SLC44A2: variants seen among roughly 807,000 people sequenced by gnomAD.
SLC44A2 encodes the protein choline transporter-like protein 2.
Under a neutral mutation model 90.8 loss-of-function variants are expected in SLC44A2, and 57 were observed. The observed-to-expected ratio is 0.63, with a 90% confidence interval of 0.51 to 0.78. SLC44A2 has a LOEUF of 0.78. Ranked by LOEUF, SLC44A2 falls within the 30% of genes least tolerant of loss-of-function variation. The pLI, the probability that SLC44A2 is intolerant of heterozygous loss-of-function variation, is 0.00. For synonymous variants in SLC44A2, 355 were observed against 360.7 expected (o/e 0.98, Z 0.18); for missense variants, 794 against 919.7 (o/e 0.86, Z 1.77).
chr19:10,624,733 G>A (rs935626132), upstream of SLC44A2, among the ~76,000 whole-genome samples: 1 of 152,212 alleles, frequency 6.6e-6, no homozygotes. Context: ...TGAATTCAGG[G>A]CGACCCAGGA....
In SLC44A2 at chr19:10,634,802, C is replaced by G. The variant is rs183294713; in HGVS notation, c.870C>G (p.Ala290=). The change falls in exon 11 of 22, where the codon GCC becomes GCG. Residue 290 remains alanine, a synonymous_variant. Transcript: ENST00000335757. ...YMEYSRLRGE[A]GSDVSLVDLG... ...AGTACTCCCGACTGCGTGGTGAGGCCGGCTCTGATGTCTCTTTGGTGGACC... is the reference window on the plus strand; with the variant it reads ...AGTACTCCCGACTGCGTGGTGAGGCGGGCTCTGATGTCTCTTTGGTGGACC... The G allele has an allele frequency of 2.5e-6, 4 of 1,614,120 alleles. No individual in the cohort carries two copies. The highest frequency in any genetic ancestry group is 1.6e-4 in the Middle Eastern group (1 of 6,062).
chr19:10,610,219 A>G (rs1918245085), intron 1 of SLC44A2, among the ~76,000 whole-genome samples: 1 of 151,988 alleles, frequency 6.6e-6, no homozygotes, highest in Non-Finnish European at 1.5e-5. Context: ...AAATATATAT[A>G]TATGACAGAT....
intron 16 of SLC44A2, chr19:10,637,401 G>A: frequency 1.9e-6 from 1 of 514,380 alleles, no homozygotes; most frequent in South Asian, 2.3e-5. Flanking sequence ...AGGGCTCTGG[G>A]GCTGGGATTG....
At chr19:10,606,536 C>T (rs1918108448) in intron 1 of SLC44A2, among the ~76,000 whole-genome samples, 1 of 151,526 alleles carries the variant, frequency 6.6e-6, no homozygotes. Flanking sequence ...ATTGGCTGGG[C>T]ACAGTGGCTC....
chr19:10,637,677 C>T lies in SLC44A2; in HGVS notation c.1625C>T (p.Thr542Ile). The change falls in exon 17 of 22, where the codon ACC becomes ATC. Residue 542 changes from threonine (T) to isoleucine (I), a missense_variant. By Grantham distance (89) the Thr-to-Ile change is moderately conservative. Around this residue, in one of 3 missense-constraint regions of SLC44A2, gnomAD observed 738 missense variants for 841.1 expected, o/e 0.88. Transcript: ENST00000335757. ...AENKFAKCLM[T>I]CLKCCFWCLE... ...AACAAGTTTGCCAAGTGCCTCATGA[C>T]CTGTCTCAAATGCTGCTTCTGGTGC... 6.2e-7 allele frequency: 1 copy of T among 1,614,146 alleles called. No individual in the cohort carries two copies. The highest frequency in any genetic ancestry group is 8.5e-7 in the Non-Finnish European group (1 of 1,180,024).
rs1033229243 is a variant in SLC44A2, at chr19:10,631,355, G to C, written c.411G>C (p.Gln137His). Residue 137 changes from glutamine to histidine, a missense_variant, in exon 6 of 22, where the codon CAG becomes CAC. By Grantham distance (24) the Gln-to-His change is conservative. Coordinates refer to ENST00000335757, the MANE Select transcript of SLC44A2 (RefSeq NM_020428.4). ...CCCGGGACTTTGAGTACTATAAGCAGTTCTGTGTTCCTGGCTTCAAGAACA... is the reference window on the plus strand; with the variant it reads ...CCCGGGACTTTGAGTACTATAAGCACTTCTGTGTTCCTGGCTTCAAGAACA... ...RSSRDFEYYK[Q>H]FCVPGFKNNK... The C allele has an allele frequency of 6.2e-7, 1 of 1,614,068 alleles. No individual in the cohort carries two copies. The highest frequency in any genetic ancestry group is 8.5e-7 in the Non-Finnish European group (1 of 1,180,050).
rs1490117847 is a variant in SLC44A2, at chr19:10,636,305, C to T, written c.1234-18C>T. On this transcript the variant is annotated intron_variant, in intron 14 of 21. Coordinates refer to ENST00000335757, the MANE Select transcript of SLC44A2 (RefSeq NM_020428.4). ...CTGGTGCCTCTTTTTGGACTCGGTTCTCCCTTCTCTCCCACAGACCTTCCC... is the reference window on the plus strand; with the variant it reads ...CTGGTGCCTCTTTTTGGACTCGGTTTTCCCTTCTCTCCCACAGACCTTCCC... The T allele has an allele frequency of 6.3e-7, 1 of 1,599,622 alleles. No individual in the cohort carries two copies. The highest frequency in any genetic ancestry group is 1.7e-5 in the Admixed American group (1 of 58,174).
At chr19:10,643,102 G>A in intron 21 of SLC44A2, 177 bp from the exon 22 acceptor site, 2 of 1,452,166 alleles carry the variant, frequency 1.4e-6, no homozygotes, top group South Asian at 2.9e-5. Context: ...TGGCCTGCGA[G>A]TGTGGGGATC....
In SLC44A2 at chr19:10,637,940, A is replaced by G; in HGVS notation, c.1769+11A>G. On this transcript the variant is annotated intron_variant, in intron 18 of 21. Coordinates refer to ENST00000335757, the MANE Select transcript of SLC44A2 (RefSeq NM_020428.4). The stretch of plus-strand genomic sequence containing the variant: ...GAGAAACATCATCAGGTCGGGAATC[A>G]TTATCATCTTCCTCCTGCCACCCGC... The G allele has an allele frequency of 6.2e-7, 1 of 1,614,010 alleles. No homozygotes were observed. Among genetic ancestry groups the G allele is most frequent in the South Asian group, 1.1e-5 (1 of 91,070 alleles).
chr19:10,610,256 C>T (rs1918245985), intron 1 of SLC44A2, among the ~76,000 whole-genome samples: 1 of 150,974 alleles, frequency 6.6e-6, no homozygotes, highest in South Asian at 2.1e-4. Flanking sequence ...AGCTTAAAAT[C>T]TTTAATATCT....
At chr19:10,618,962 T>C (rs2066877596) in intron 1 of SLC44A2, among the ~76,000 whole-genome samples, 1 of 142,214 alleles carries the variant, frequency 7.0e-6, no homozygotes, top group African/African-American at 2.6e-5. Flanking sequence ...ACAATTCTTT[T>C]TTTTTTTTTT....
At chr19:10,613,226 A>G (rs1259306971) in intron 1 of SLC44A2, among the ~76,000 whole-genome samples, 2 of 150,402 alleles carry the variant, frequency 1.3e-5, no homozygotes, top group Admixed American at 1.3e-4. Context: ...CCCAGATAAT[A>G]TAGTTATTTT....
chr19:10,643,362 A>G lies in SLC44A2; in HGVS notation c.2098A>G (p.Asn700Asp). The G allele has an allele frequency of 6.2e-7, 1 of 1,612,892 alleles. No individual in the cohort carries two copies. Among genetic ancestry groups the G allele is most frequent in the Non-Finnish European group, 8.5e-7 (1 of 1,179,366 alleles). The change falls in exon 22 of 22, where the codon AAC (asparagine) becomes GAC (aspartate). Residue 700 changes from asparagine to aspartate, a missense_variant. Asn to Asp is a conservative substitution (Grantham distance 23). Coordinates refer to ENST00000335757, the MANE Select transcript of SLC44A2 (RefSeq NM_020428.4). ...CCTCAAGAAACTCTTGAACAAGACC[A>G]ACAAGAAGGCAGCGGAGTCCTGAAG... ...STLKKLLNKT[N>D]KKAAES
chr19:10,621,422 G>GTTTT (rs34643212), upstream of SLC44A2, among the ~76,000 whole-genome samples: 1 of 89,448 alleles, frequency 1.1e-5, no homozygotes, highest in Non-Finnish European at 2.0e-5. Flanking sequence ...ATGGTTGGGT[G>GTTTT]TTTTTTTTTT....
At chr19:10,614,745 C>T (rs867373807) in intron 1 of SLC44A2, among the ~76,000 whole-genome samples, 22 of 150,934 alleles carry the variant, frequency 1.5e-4, no homozygotes, top group Non-Finnish European at 2.5e-4. Flanking sequence ...CTGAGGCGGG[C>T]GGATCACCCG....
chr19:10,627,705 G>A lies in SLC44A2; in HGVS notation c.87-17G>A, dbSNP rs1192865924. ...CAGCACCAAGCCTCCTCCAAACACT[G>A]CCCCTCTGCTCCCCAGGGGCTGCAC... On this transcript the variant is annotated splice_polypyrimidine_tract_variant and intron_variant, in intron 2 of 21. Transcript: ENST00000335757. 4 of 1,612,372 alleles carry A rather than the reference G, an allele frequency of 2.5e-6. No homozygotes were observed. The highest frequency in any genetic ancestry group is 3.4e-6 in the Non-Finnish European group (4 of 1,179,812).
chr19:10,632,130 T>G lies in SLC44A2; in HGVS notation c.797T>G (p.Ile266Ser). The change falls in exon 10 of 22, where the codon ATC becomes AGC. Residue 266 changes from isoleucine (I) to serine (S), a missense_variant. Ile to Ser is a moderately radical substitution (Grantham distance 142). Coordinates refer to ENST00000335757, the MANE Select transcript of SLC44A2 (RefSeq NM_020428.4). ...LAGIMVWVMIIMVILVLGYGI... is the reference protein window; with the variant it reads ...LAGIMVWVMISMVILVLGYGI... Reference sequence around the variant, plus strand: ...GGTATTATGGTCTGGGTGATGATCATCATGGTGATTCTGGTGCTGGGCTAC... The same window carrying G: ...GGTATTATGGTCTGGGTGATGATCAGCATGGTGATTCTGGTGCTGGGCTAC... 1 of 1,614,098 alleles carries G rather than the reference T, an allele frequency of 6.2e-7. No homozygotes were observed. The highest frequency in any genetic ancestry group is 8.5e-7 in the Non-Finnish European group (1 of 1,180,000).
intron 4 of SLC44A2, among the ~76,000 whole-genome samples, chr19:10,630,526 G>A (rs8105546): frequency 0.8 from 120,905 of 151,270 alleles, 48,417 homozygotes; most frequent in African/African-American, 0.84. Context: ...GCATCGTGGC[G>A]GGCACCTACC....
intron 10 of SLC44A2, among the ~76,000 whole-genome samples, chr19:10,633,661 G>A (rs2067020635): frequency 6.6e-6 from 1 of 152,016 alleles, no homozygotes; most frequent in Non-Finnish European, 1.5e-5. Context: ...CTCCCTATGT[G>A]GCCCAGGCTA....
Sources: gnomAD v4.1 joint callset for allele counts (sites outside exome capture counted in the v4.1 genomes callset) on GRCh38, gnomAD v4.1.1 for gene constraint, gnomAD v4.1.1 regional missense constraint, MANE v1.5 for transcripts, NCBI Gene and HGNC (gene_info 2026-07-23, HGNC 2026-07-21) for gene names.